Variants in KLHL32 observed in about 807,000 individuals in gnomAD.
KLHL32 encodes kelch like family member 32.
Under a neutral mutation model 64.8 loss-of-function variants are expected in KLHL32, and 35 were observed. That is an observed-to-expected ratio of 0.54 (90% CI 0.41 to 0.72). KLHL32 has a LOEUF of 0.72. KLHL32 is among the 30% of genes least tolerant of loss of function. The pLI is 0.00. For missense variants in KLHL32, 589 were observed against 768.5 expected, an observed-to-expected ratio of 0.77 and a Z score of 2.76; for synonymous variants, 259 against 281.0, an observed-to-expected ratio of 0.92 and a Z score of 0.78.
chr6:96,964,312 A>G (rs1774193075), intron 1 of KLHL32, among the ~76,000 whole-genome samples: 1 of 152,204 alleles, frequency 6.6e-6, no homozygotes, highest in Non-Finnish European at 1.5e-5. Context: ...GGAGCTTACA[A>G]GTAGCCATGT....
intron 6 of KLHL32, among the ~76,000 whole-genome samples, chr6:97,099,295 T>C (rs1215443376): frequency 6.6e-6 from 1 of 152,276 alleles, no homozygotes; most frequent in African/African-American, 2.4e-5. Flanking sequence ...CTGCCTGTGC[T>C]GGCCATGCTT....
chr6:96,982,266 A>C (rs1776408357), intron 3 of KLHL32, among the ~76,000 whole-genome samples: 2 of 152,118 alleles, frequency 1.3e-5, no homozygotes, highest in African/African-American at 4.8e-5. Flanking sequence ...TAGTATAGTT[A>C]TGTCTTTTTG....
chr6:97,051,562 A>G (rs567108194), intron 4 of KLHL32, among the ~76,000 whole-genome samples: 6 of 152,308 alleles, frequency 3.9e-5, no homozygotes, highest in African/African-American at 1.4e-4. Flanking sequence ...ATATTTCATA[A>G]TCCATGGTGT....
Position 97,055,796 on chromosome 6 carries a change from T to TAA in KLHL32, c.313-8807_313-8806dup, listed in dbSNP as rs750242567. Among the ~76,000 whole-genome samples, 380 of 80,660 alleles carry TAA rather than the reference T, an allele frequency of 4.7e-3. 21 individuals are homozygous for TAA. The highest frequency in any genetic ancestry group is 6.6e-3 in the African/African-American group (168 of 25,616). 52.9% of individuals were successfully genotyped at this position (80,660 alleles called of 152,430 possible). On this transcript the variant is annotated intron_variant, in intron 4 of 10. Transcript: ENST00000369261. ...CGAGGTAACAGACTGAGAACCTGTC[T>TAA]AAAAAAAAAAAAAAAAAAAAAAAAA...
intron 4 of KLHL32, among the ~76,000 whole-genome samples, chr6:97,045,733 C>CACGCATGTGTGCGT (rs1785819947): frequency 6.6e-6 from 1 of 152,128 alleles, no homozygotes; most frequent in Admixed American, 6.5e-5. Context: ...TGTGTGTGTG[C>CACGCATGTGTGCGT]ACGCATGTGT....
intron 6 of KLHL32, among the ~76,000 whole-genome samples, chr6:97,112,793 C>G (rs1797331036): frequency 6.7e-6 from 1 of 150,062 alleles, no homozygotes; most frequent in African/African-American, 2.4e-5. Flanking sequence ...TTTCTTAAAA[C>G]TAAAGCAGGT....
chr6:97,037,198 G>T (rs1410945436), intron 3 of KLHL32, among the ~76,000 whole-genome samples: 1 of 151,830 alleles, frequency 6.6e-6, no homozygotes, highest in Non-Finnish European at 1.5e-5. Context: ...AATGGCAAGA[G>T]AGCAATAATT....
chr6:96,980,336 A>G (rs1429319719), intron 3 of KLHL32, among the ~76,000 whole-genome samples: 3 of 152,156 alleles, frequency 2.0e-5, no homozygotes, highest in Non-Finnish European at 2.9e-5. Flanking sequence ...GCATAGTCAT[A>G]TAATGCCTAG....
At chr6:97,126,334 G>C (rs1798873731) in intron 7 of KLHL32, among the ~76,000 whole-genome samples, 1 of 149,892 alleles carries the variant, frequency 6.7e-6, no homozygotes, top group Non-Finnish European at 1.5e-5. Context: ...TTCTTACTAT[G>C]CTGTTTTATG....
chr6:96,963,979 G>A (rs1483963065), intron 1 of KLHL32, among the ~76,000 whole-genome samples: 1 of 152,184 alleles, frequency 6.6e-6, no homozygotes, highest in Non-Finnish European at 1.5e-5. Context: ...GACAGAAAAA[G>A]AGCCACCTCA....
intron 3 of KLHL32, among the ~76,000 whole-genome samples, chr6:97,019,965 T>TTTTTA (rs1781767489): frequency 2.6e-5 from 3 of 113,276 alleles, no homozygotes; most frequent in African/African-American, 9.8e-5. Context: ...TTTTTTTTTT[T>TTTTTA]GAGACAGAGT....
intron 1 of KLHL32, among the ~76,000 whole-genome samples, chr6:96,959,668 T>TG (rs1486686010): frequency 3.9e-5 from 6 of 152,072 alleles, no homozygotes; most frequent in Non-Finnish European, 8.8e-5. Context: ...ACATGAATTG[T>TG]GGGGGGACAC....
chr6:97,050,130 G>T (rs1786630065), intron 4 of KLHL32, among the ~76,000 whole-genome samples: 1 of 152,206 alleles, frequency 6.6e-6, no homozygotes, highest in Non-Finnish European at 1.5e-5. Context: ...GTGCAAAGAA[G>T]TTTAACTGTG....
chr6:97,048,186 TAGTC>T (rs1244952923), intron 4 of KLHL32, among the ~76,000 whole-genome samples: 6 of 152,216 alleles, frequency 3.9e-5, no homozygotes, highest in Non-Finnish European at 8.8e-5. Flanking sequence ...GTGACGTTTA[TAGTC>T]CCCTTTACAA....
At chr6:96,912,049 C>T in the KLHL32 span, among the ~76,000 whole-genome samples, 2 of 151,928 alleles carry the variant, frequency 1.3e-5, no homozygotes, top group Non-Finnish European at 2.9e-5. Flanking sequence ...TCCCAGAAGT[C>T]CTACAGGCCT....
rs147013231 is a variant in KLHL32, at chr6:97,018,515, C to T, written c.205-22977C>T. 3.4e-3 allele frequency among the ~76,000 whole-genome samples: 507 copies of T among 150,744 alleles called. 3 individuals are homozygous for T. The highest frequency in any genetic ancestry group is 0.012 in the African/African-American group (485 of 41,026). On this transcript the variant is annotated intron_variant, in intron 3 of 10. Coordinates refer to ENST00000369261, the MANE Select transcript of KLHL32 (RefSeq NM_052904.4). Reference sequence around the variant, plus strand: ...GGCTGAGGCAGGAGAATAGGAGAATCGCCTGAACCAGGGAGGCAGAGGTTG... The same window carrying T: ...GGCTGAGGCAGGAGAATAGGAGAATTGCCTGAACCAGGGAGGCAGAGGTTG...
At chr6:96,908,824 CTGCT>C in the KLHL32 span, among the ~76,000 whole-genome samples, 1 of 151,976 alleles carries the variant, frequency 6.6e-6, no homozygotes, top group Non-Finnish European at 1.5e-5. Context: ...AGCATGCCTC[CTGCT>C]TGCTCCCAGC....
At chr6:96,963,909 G>T (rs1002918934) in intron 1 of KLHL32, among the ~76,000 whole-genome samples, 56 of 152,192 alleles carry the variant, frequency 3.7e-4, no homozygotes, top group African/African-American at 1.4e-3. Context: ...CATGCCAATG[G>T]CTCAGAAGAT....
chr6:96,936,699 T>G (rs567644122), intron 1 of KLHL32, among the ~76,000 whole-genome samples: 38 of 152,324 alleles, frequency 2.5e-4, no homozygotes, highest in African/African-American at 8.9e-4. Flanking sequence ...AGCCAAAAAT[T>G]TTGTTTTAAA....
Sources: gnomAD v4.1 joint callset for allele counts (sites outside exome capture counted in the v4.1 genomes callset) on GRCh38, gnomAD v4.1.1 for gene constraint, MANE v1.5 for transcripts, NCBI Gene and HGNC (gene_info 2026-07-23, HGNC 2026-07-21) for gene names.